RPS6KA1: variants seen among roughly 807,000 people sequenced by gnomAD.
RPS6KA1 encodes the protein ribosomal protein S6 kinase alpha-1.
RPS6KA1 carries 48 observed loss-of-function variants against 91.3 expected under a neutral mutation model. The observed-to-expected ratio is 0.53, with a 90% CI of 0.42 to 0.67. The LOEUF is 0.67. RPS6KA1 is among the 30% of genes least tolerant of loss of function. RPS6KA1 has a pLI of 0.00. For missense variants in RPS6KA1, 719 were observed against 960.5 expected, an observed-to-expected ratio of 0.75 and a Z score of 3.32; for synonymous variants, 359 against 384.7, an observed-to-expected ratio of 0.93 and a Z score of 0.78.
At chr1:26,564,593 G>A (rs572059841) in intron 17 of RPS6KA1, among the ~76,000 whole-genome samples, 1 of 152,200 alleles carries the variant, frequency 6.6e-6, no homozygotes, top group African/African-American at 2.4e-5. Context: ...GGTGGTAACC[G>A]TCCGATCTCC....
Position 26,571,613 on chromosome 1 carries a change from G to A in RPS6KA1, c.1752+3G>A. 6.2e-7 allele frequency: 1 copy of A among 1,613,846 alleles called. No homozygotes were observed. The highest frequency in any genetic ancestry group is 8.5e-7 in the Non-Finnish European group (1 of 1,179,882). On this transcript the variant is annotated splice_donor_region_variant and intron_variant, in intron 18 of 21. Transcript: ENST00000374168. This position sits in a 1 kb window ranked among gnomAD's most constrained non-coding sequence, Gnocchi z 5.1. The stretch of plus-strand genomic sequence containing the variant: ...CAGCCAACTTTGTGGCGCCTGAGGT[G>A]AGTGGCCCAGCCTCCTCAGCTGTAA...
chr1:26,547,503 C>T lies in RPS6KA1; in HGVS notation c.307+233C>T. Reference sequence around the variant, plus strand: ...CTGGAAGGTGGTAATAGGGTAAATGCAATGTGTTTGTCAGGGGGCGGGGCC... The same window carrying T: ...CTGGAAGGTGGTAATAGGGTAAATGTAATGTGTTTGTCAGGGGGCGGGGCC... On this transcript the variant is annotated intron_variant, in intron 4 of 21. Transcript: ENST00000374168. This position sits in a 1 kb window ranked among gnomAD's most constrained non-coding sequence, Gnocchi z 4.1. 5.9e-6 allele frequency: 3 copies of T among 509,922 alleles called. No individual in the cohort carries two copies. In the South Asian group the frequency reaches 6.4e-5, roughly 11 times the overall value. 31.6% of individuals were successfully genotyped at this position (509,922 alleles called of 1,614,324 possible).
In RPS6KA1 at chr1:26,551,558, T is replaced by TG; in HGVS notation, c.388+82dup. 6.3e-7 allele frequency: 1 copy of TG among 1,599,614 alleles called. No individual in the cohort carries two copies. Among genetic ancestry groups the TG allele is most frequent in the East Asian group, 2.2e-5 (1 of 44,814 alleles). ...GTGGTCTGTACACTGTCCCACCGCC[T>TG]GCCTGGCAGGCCAAGGGAGCCAGGG... On this transcript the variant is annotated intron_variant, in intron 5 of 21. Transcript: ENST00000374168. The surrounding 1 kb of genome is among the most constrained non-coding windows in gnomAD (Gnocchi z 4.5).
In RPS6KA1 at chr1:26,540,437, C is replaced by T. The variant is rs2124619044; in HGVS notation, c.108+3468C>T. Among the ~76,000 whole-genome samples, 1 of 152,288 alleles carries T rather than the reference C, an allele frequency of 6.6e-6. No homozygotes were observed. The highest frequency in any genetic ancestry group is 2.1e-4 in the South Asian group (1 of 4,826). On this transcript the variant is annotated intron_variant, in intron 2 of 21. Coordinates refer to ENST00000374168, the MANE Select transcript of RPS6KA1 (RefSeq NM_002953.4). The surrounding 1 kb of genome is among the most constrained non-coding windows in gnomAD (Gnocchi z 4.2). ...TTTTTCCTCCTTTCTGCCTGGCCAA[C>T]ATTTGTTCATCCTCAGGACCCAGCT...
chr1:26,560,462 G>A (rs574039660), intron 14 of RPS6KA1, among the ~76,000 whole-genome samples: 1 of 152,178 alleles, frequency 6.6e-6, no homozygotes, highest in Non-Finnish European at 1.5e-5. Flanking sequence ...TTGTGACCCT[G>A]TTTCCCACTC....
At chr1:26,559,509 G>C (rs2076135442) in intron 14 of RPS6KA1, among the ~76,000 whole-genome samples, 1 of 151,310 alleles carries the variant, frequency 6.6e-6, no homozygotes, top group Non-Finnish European at 1.5e-5. Context: ...TGGGACTACA[G>C]ATATACACCA....
At chr1:26,557,159 G>T in intron 13 of RPS6KA1, 59 bp downstream of exon 13, 1 of 1,389,002 alleles carries the variant, frequency 7.2e-7, no homozygotes, top group Non-Finnish European at 1.0e-6. Context: ...GCCGGGAGTC[G>T]GTGGCAGCTT....
Position 26,547,304 on chromosome 1 carries a change from G to A in RPS6KA1, c.307+34G>A. On this transcript the variant is annotated intron_variant, in intron 4 of 21. Transcript: ENST00000374168. This position sits in a 1 kb window ranked among gnomAD's most constrained non-coding sequence, Gnocchi z 4.1. ...GGACACCTCCCTGTGCAGAACCCAG[G>A]CTTGGCTGAGGGAGGCAGCCCAGAC... 1.3e-6 allele frequency: 2 copies of A among 1,594,314 alleles called. No individual in the cohort carries two copies. Among genetic ancestry groups the A allele is most frequent in the Non-Finnish European group, 8.6e-7 (1 of 1,166,068 alleles).
rs1570438385 is a variant in RPS6KA1 at position 26,551,555 on chromosome 1, G to T, written c.388+78G>T. ...CCTGTGGTCTGTACACTGTCCCACC[G>T]CCTGCCTGGCAGGCCAAGGGAGCCA... On this transcript the variant is annotated intron_variant, in intron 5 of 21. Transcript: ENST00000374168. This position sits in a 1 kb window ranked among gnomAD's most constrained non-coding sequence, Gnocchi z 4.5. 6.3e-6 allele frequency: 10 copies of T among 1,598,632 alleles called. No individual in the cohort carries two copies. The South Asian group carries it at 1.1e-4, about 18-fold the overall frequency.
At chr1:26,539,942 ACCCTGATCCCT>A (rs1280119512) in intron 2 of RPS6KA1, among the ~76,000 whole-genome samples, 8 of 152,088 alleles carry the variant, frequency 5.3e-5, no homozygotes, top group South Asian at 4.2e-4. Flanking sequence ...TGTTTATGAA[ACCCTGATCCCT>A]CCCGGATCCC....
rs1214665243 is a variant in RPS6KA1, at chr1:26,540,199, CTG to C, written c.108+3233_108+3234del. ...TTCTGTTTCCAACATCCCCTTGTCT[CTG>C]TGGCCCATTTTGCTTCTAGAAACAA... On this transcript the variant is annotated intron_variant, in intron 2 of 21. Transcript: ENST00000374168. The surrounding 1 kb of genome is among the most constrained non-coding windows in gnomAD (Gnocchi z 4.2). Among the ~76,000 whole-genome samples the C allele has an allele frequency of 1.3e-5, 2 of 152,320 alleles. No homozygotes were observed. The highest frequency in any genetic ancestry group is 1.9e-4 in the East Asian group (1 of 5,178).
rs2076091393 is a variant in RPS6KA1 at position 26,555,428 on chromosome 1, G to T, written c.828-109G>T. 1 of 1,182,368 alleles carries T rather than the reference G, an allele frequency of 8.5e-7. No homozygotes were observed. The highest frequency in any genetic ancestry group is 1.2e-6 in the Non-Finnish European group (1 of 819,994). The allele number at this position is 1,182,368 out of a possible 1,614,324, so 73.2% of individuals were successfully genotyped here. ...CCTGAAGCCTTTGGGAAGTGAATTA[G>T]TGGATGGCTTGTCTAGACTGAGCTG... On this transcript the variant is annotated intron_variant, in intron 10 of 21. Coordinates refer to ENST00000374168, the MANE Select transcript of RPS6KA1 (RefSeq NM_002953.4). This position sits in a 1 kb window ranked among gnomAD's most constrained non-coding sequence, Gnocchi z 4.3.
intron 1 of RPS6KA1, among the ~76,000 whole-genome samples, chr1:26,536,380 C>T (rs1421460428): frequency 6.6e-6 from 1 of 152,120 alleles, no homozygotes; most frequent in Non-Finnish European, 1.5e-5. Context: ...AGTCATTCTG[C>T]CTGGCAAGGT....
chr1:26,549,003 T>G (rs2076021706), intron 4 of RPS6KA1, among the ~76,000 whole-genome samples: 1 of 151,268 alleles, frequency 6.6e-6, no homozygotes, highest in Non-Finnish European at 1.5e-5. Flanking sequence ...GATTGTGTCC[T>G]GAACAAGACT....
chr1:26,556,962 T>C, intron 12 of RPS6KA1, 36 bp from the exon 13 acceptor site: 1 of 1,515,580 alleles, frequency 6.6e-7, no homozygotes, highest in Non-Finnish European at 9.2e-7. Context: ...CTGTTGAGGA[T>C]GCCATGGTGA....
chr1:26,553,328 C>T (rs1570440951), intron 6 of RPS6KA1, 63 bp from the exon 7 acceptor site: 6 of 1,168,446 alleles, frequency 5.1e-6, no homozygotes, highest in Middle Eastern at 2.2e-4. Context: ...CTGCTGACTG[C>T]CCAGTGCCCC....
chr1:26,545,335 ATT>A (rs35845328), intron 2 of RPS6KA1, among the ~76,000 whole-genome samples: 1 of 142,570 alleles, frequency 7.0e-6, no homozygotes, highest in Non-Finnish European at 1.5e-5. Context: ...CGCCTGGCCA[ATT>A]TTTTTTTTTT....
In RPS6KA1 at chr1:26,573,347, C is replaced by T; in HGVS notation, c.2071C>T (p.Leu691=). Residue 691 remains leucine, a synonymous_variant, in exon 21 of 22, where the codon CTA becomes TTA. Transcript: ENST00000374168. ...CCAAAGCCAGCTGTCCCACCAGGAC[C>T]TACAGCTTGTGAAGGTATGGCCACC... is the stretch of plus-strand genomic sequence containing the variant. ...LPQSQLSHQD[L]QLVKGAMAAT... is the part of the protein sequence containing the mutation. 6.2e-7 allele frequency: 1 copy of T among 1,614,206 alleles called. No homozygotes were observed. The highest frequency in any genetic ancestry group is 1.1e-5 in the South Asian group (1 of 91,086).
In RPS6KA1 at chr1:26,555,763, C is replaced by T; in HGVS notation, c.916+138C>T. On this transcript the variant is annotated intron_variant, in intron 11 of 21. Transcript: ENST00000374168. The surrounding 1 kb of genome is among the most constrained non-coding windows in gnomAD (Gnocchi z 4.3). ...GCAGACAATGCCGCGGGCCACCCTG[C>T]TTTCTGGCTCCATGTGTGGTGTTGT... 6.1e-6 allele frequency: 5 copies of T among 816,356 alleles called. No individual in the cohort carries two copies. Among genetic ancestry groups the T allele is most frequent in the Middle Eastern group, 7.0e-4 (2 of 2,852 alleles). The allele number at this position is 816,356 out of a possible 1,614,324, so 50.6% of individuals were successfully genotyped here. A position where few individuals can be genotyped will look rare whatever the true frequency, so the allele number is the denominator to read the frequency against.
Sources: allele counts gnomAD v4.1 joint callset (sites outside exome capture counted in the v4.1 genomes callset), GRCh38; gene constraint gnomAD v4.1.1; non-coding constraint Gnocchi (gnomAD v3.1); transcripts MANE v1.5; gene names NCBI Gene and HGNC (gene_info 2026-07-23, HGNC 2026-07-21).